Variants in TBK1 observed in about 807,000 individuals in gnomAD.
TBK1 encodes the protein serine/threonine-protein kinase TBK1.
TBK1 carries 37 observed loss-of-function variants against 99.9 expected under a neutral mutation model. The ratio of observed to expected loss-of-function variants is 0.37; its 90% CI spans 0.28 to 0.49. TBK1 has a LOEUF of 0.49. Among genes scored for constraint, TBK1 ranks in the 20% least tolerant of loss-of-function variants. The pLI, the probability that TBK1 is intolerant of heterozygous loss-of-function variation, is 0.98. For missense variants in TBK1, 644 were observed against 872.5 expected (o/e 0.74, Z 3.30); for synonymous variants, 258 against 279.8 (o/e 0.92, Z 0.78).
Position 64,480,133 on chromosome 12 carries a change from T to C in TBK1, c.812+11T>C, listed in dbSNP as rs998749815. 8 of 1,597,352 alleles carry C rather than the reference T, an allele frequency of 5.0e-6. No homozygotes were observed. The highest frequency in any genetic ancestry group is 1.7e-5 in the Admixed American group (1 of 58,260). On this transcript the variant is annotated intron_variant, in intron 7 of 20. Transcript: ENST00000331710. Reference sequence around the variant, plus strand: ...TTGCAGTCTTTCTCGGTAAGTATGGTGTACCTAATTCTCATCTTTTGCACT... The same window carrying C: ...TTGCAGTCTTTCTCGGTAAGTATGGCGTACCTAATTCTCATCTTTTGCACT...
At chr12:64,489,881 C>T (rs892634173) in intron 12 of TBK1, among the ~76,000 whole-genome samples, 160 bp from the exon 13 acceptor site, 1 of 151,450 alleles carries the variant, frequency 6.6e-6, no homozygotes, top group Non-Finnish European at 1.5e-5. Context: ...TGGCCGGCAT[C>T]AGGTTTTTTT....
chr12:64,495,445 T>G (rs756775625), intron 13 of TBK1, 38 bp from the exon 14 acceptor site: 3 of 1,605,348 alleles, frequency 1.9e-6, no homozygotes, highest in East Asian at 2.2e-5. Flanking sequence ...CATTTCTGGC[T>G]TTTGGCAATC....
intron 1 of TBK1, among the ~76,000 whole-genome samples, chr12:64,453,733 GC>G: frequency 6.6e-6 from 1 of 152,272 alleles, no homozygotes. Flanking sequence ...GTTTAAGGGG[GC>G]ATGGTGGGAC....
chr12:64,496,054 T>C (rs2136087468), intron 15 of TBK1: 1 of 374,434 alleles, frequency 2.7e-6, no homozygotes, highest in East Asian at 4.9e-5. Context: ...TGGGGACTCA[T>C]CTACAGGGGA....
chr12:64,481,795 G>A (rs2040770125), intron 7 of TBK1, 47 bp from the exon 8 acceptor site: 2 of 1,361,588 alleles, frequency 1.5e-6, no homozygotes, highest in Non-Finnish European at 1.9e-6. Flanking sequence ...AACCTAGACA[G>A]AATATGATAT....
chr12:64,482,759 T>C (rs2040780193), intron 8 of TBK1, among the ~76,000 whole-genome samples: 1 of 152,248 alleles, frequency 6.6e-6, no homozygotes, highest in Non-Finnish European at 1.5e-5. Context: ...AGCAGTAGGC[T>C]AGCTACCCTA....
intron 5 of TBK1, among the ~76,000 whole-genome samples, chr12:64,469,037 T>C (rs890640647): frequency 6.6e-6 from 1 of 151,996 alleles, no homozygotes; most frequent in African/African-American, 2.4e-5. Flanking sequence ...CAACCTGTGT[T>C]GTTGAGGGCC....
chr12:64,489,732 CTTAT>C (rs925859012), intron 12 of TBK1, among the ~76,000 whole-genome samples: 2 of 146,482 alleles, frequency 1.4e-5, no homozygotes, highest in Non-Finnish European at 3.0e-5. Flanking sequence ...CCACGCCCGG[CTTAT>C]TTTTTTTTTT....
chr12:64,477,586 T>A (rs1313778795), intron 6 of TBK1, among the ~76,000 whole-genome samples: 1 of 152,252 alleles, frequency 6.6e-6, no homozygotes. Flanking sequence ...TTTAGAATCA[T>A]ACTGTCAGTG....
Position 64,497,165 on chromosome 12 carries a change from A to G in TBK1, c.1865A>G (p.Lys622Arg), listed in dbSNP as rs199605037. 117 of 1,593,418 alleles carry G rather than the reference A, an allele frequency of 7.3e-5. 1 individual carries two copies. In the South Asian group the frequency reaches 1.3e-3, roughly 18 times the overall value. ...FLNKSEEWIRKMLHLRKQLLS... is the reference protein window; with the variant it reads ...FLNKSEEWIRRMLHLRKQLLS... ...AATTGATTCTTTTTGGTTTTCAGAAAGATGCTTCATCTTAGGAAACAGTTA... is the reference window on the plus strand; with the variant it reads ...AATTGATTCTTTTTGGTTTTCAGAAGGATGCTTCATCTTAGGAAACAGTTA... Residue 622 changes from lysine to arginine, a missense_variant and splice_region_variant, in exon 18 of 21, where the codon AAG becomes AGG. By Grantham distance (26) the Lys-to-Arg change is conservative. Coordinates refer to ENST00000331710, the MANE Select transcript of TBK1 (RefSeq NM_013254.4).
In TBK1 at chr12:64,501,520, T is replaced by A; in HGVS notation, c.*139T>A. On this transcript the variant is annotated 3_prime_UTR_variant, in exon 21 of 21. Coordinates refer to ENST00000331710, the MANE Select transcript of TBK1 (RefSeq NM_013254.4). ...GGTCGTGTAAATATGTACAATATTG[T>A]AAATACATAAAAAATATACAAATTT... The A allele has an allele frequency of 1.3e-6, 1 of 762,310 alleles. No homozygotes were observed. The highest frequency in any genetic ancestry group is 2.0e-6 in the Non-Finnish European group (1 of 494,786). 47.2% of individuals were successfully genotyped at this position (762,310 alleles called of 1,614,324 possible). A position where few individuals can be genotyped will look rare whatever the true frequency, so the allele number is the denominator to read the frequency against.
intron 5 of TBK1, among the ~76,000 whole-genome samples, chr12:64,472,021 A>G (rs778574565): frequency 2.7e-4 from 41 of 151,882 alleles, no homozygotes; most frequent in Middle Eastern, 3.2e-3. Context: ...TCATGACACC[A>G]TTTACACACT....
rs748864346 is a variant in TBK1 at position 64,484,445 on chromosome 12, A to G, written c.1135A>G (p.Ile379Val). Residue 379 changes from isoleucine to valine, a missense_variant, in exon 9 of 21, where the codon ATA becomes GTA. Around this residue, in one of 3 missense-constraint regions of TBK1, gnomAD observed 465 missense variants for 588.0 expected, o/e 0.79. Transcript: ENST00000331710. ...HFPKTTEENP[I>V]FVVSREPLNT... The stretch of plus-strand genomic sequence containing the variant: ...CCCTAAAACTACTGAGGAAAACCCT[A>G]TATTTGTAGTAAGCCGGGAACCTCT... 7.4e-5 allele frequency: 119 copies of G among 1,613,990 alleles called. No homozygotes were observed. Among genetic ancestry groups the G allele is most frequent in the Non-Finnish European group, 9.2e-5 (109 of 1,179,982 alleles).
At position 64,481,942 on chromosome 12, in the gene TBK1, A is replaced by G. The variant is rs749534570; in HGVS notation, c.913A>G (p.Ile305Val). Residue 305 changes from isoleucine (I) to valine (V), a missense_variant, in exon 8 of 21, where the codon ATA becomes GTA. Transcript: ENST00000331710. ...FDQFFAETSD[I>V]LHRMVIHVFS... ...CCAGTTTTTTGCAGAAACTAGTGATATACTTCACCGAATGGTAATTCATGT... is the reference window on the plus strand; with the variant it reads ...CCAGTTTTTTGCAGAAACTAGTGATGTACTTCACCGAATGGTAATTCATGT... 1.2e-6 allele frequency: 2 copies of G among 1,610,922 alleles called. No homozygotes were observed. The highest frequency in any genetic ancestry group is 1.7e-6 in the Non-Finnish European group (2 of 1,178,624).
intron 6 of TBK1, among the ~76,000 whole-genome samples, chr12:64,476,528 C>T (rs1313948619): frequency 1.3e-5 from 2 of 151,924 alleles, no homozygotes; most frequent in Admixed American, 6.6e-5. Flanking sequence ...TTGTTTTTTT[C>T]TTGTTGATTC....
At chr12:64,456,560 GC>G (rs1238729313) in intron 2 of TBK1, among the ~76,000 whole-genome samples, 2 of 152,184 alleles carry the variant, frequency 1.3e-5, no homozygotes, top group Non-Finnish European at 2.9e-5. Flanking sequence ...CCAAAAAGGG[GC>G]CGGGCGCGGT....
intron 11 of TBK1, among the ~76,000 whole-genome samples, chr12:64,486,732 G>C (rs552463147): frequency 6.6e-6 from 1 of 152,094 alleles, no homozygotes; most frequent in South Asian, 2.1e-4. Flanking sequence ...ACAACATTGA[G>C]ATATAATTCA....
At chr12:64,484,127 T>G in intron 8 of TBK1, 176 bp from the exon 9 acceptor site, 1 of 503,572 alleles carries the variant, frequency 2.0e-6, no homozygotes, top group Non-Finnish European at 3.5e-6. Flanking sequence ...GCTTACTGTA[T>G]GGACAGGTTA....
At chr12:64,485,268 A>ATTTC in intron 9 of TBK1, among the ~76,000 whole-genome samples, 187 bp from the exon 10 acceptor site, 1 of 152,196 alleles carries the variant, frequency 6.6e-6, no homozygotes, top group Non-Finnish European at 1.5e-5. Context: ...GAAACTCCTT[A>ATTTC]GAAATATTTG....
Sources: gnomAD v4.1 joint callset for allele counts (sites outside exome capture counted in the v4.1 genomes callset) on GRCh38, gnomAD v4.1.1 for gene constraint, gnomAD v4.1.1 regional missense constraint, MANE v1.5 for transcripts, NCBI Gene and HGNC (gene_info 2026-07-23, HGNC 2026-07-21) for gene names.